DIAPH2: variants seen among roughly 807,000 people sequenced by gnomAD.
DIAPH2 encodes diaphanous related formin 2.
A neutral mutation model predicts 92.7 loss-of-function variants in DIAPH2; 35 were observed. The observed-to-expected ratio is 0.38, with a 90% CI of 0.29 to 0.50. The LOEUF (loss-of-function observed/expected upper bound fraction) is 0.50, where lower values mean the gene tolerates loss of function less well. DIAPH2 is among the 20% of genes least tolerant of loss of function. The probability of loss-of-function intolerance (pLI) is 0.94; values close to 1 mark genes in which losing one functional copy is unlikely to be tolerated. For missense variants in DIAPH2, 701 were observed against 819.5 expected (o/e 0.86, Z 1.77); for synonymous variants, 301 against 280.4 (o/e 1.07, Z -0.73).
At chrX:97,329,520 A>T (rs995510810) in intron 23 of DIAPH2, among the ~76,000 whole-genome samples, 1 of 111,574 alleles carries the variant, frequency 9.0e-6, no homozygotes, top group Admixed American at 9.6e-5. Context: ...AACTTCACTA[A>T]ACTGGACACT....
chrX:97,426,513 C>T, intron 25 of DIAPH2, among the ~76,000 whole-genome samples: 1 of 110,267 alleles, frequency 9.1e-6, no homozygotes, highest in Non-Finnish European at 1.9e-5. Flanking sequence ...TGGTCTTGAA[C>T]TCCTGAGCTC....
intron 22 of DIAPH2, among the ~76,000 whole-genome samples, chrX:97,168,566 G>GA (rs1158815447): frequency 9.0e-6 from 1 of 110,791 alleles, no homozygotes; most frequent in African/African-American, 3.3e-5. Context: ...ATATGGCAGT[G>GA]AAAAAAATAC....
chrX:96,977,035 A>G (rs1197217850), intron 17 of DIAPH2, among the ~76,000 whole-genome samples: 1 of 111,357 alleles, frequency 9.0e-6, no homozygotes, highest in Non-Finnish European at 1.9e-5. Flanking sequence ...GTTTGTTCTT[A>G]ATCTTAATCA....
chrX:97,376,431 G>C (rs1478189043), intron 24 of DIAPH2, among the ~76,000 whole-genome samples: 2 of 111,652 alleles, frequency 1.8e-5, no homozygotes, highest in Non-Finnish European at 3.8e-5. Flanking sequence ...TTTACCTGAT[G>C]TTGCAAGATT....
At chrX:96,919,317 A>G (rs1166903504) in intron 9 of DIAPH2, among the ~76,000 whole-genome samples, 1 of 112,210 alleles carries the variant, frequency 8.9e-6, no homozygotes, top group East Asian at 2.8e-4. Flanking sequence ...TTGCTATAGT[A>G]TCTTTGTTTT....
At chrX:97,480,567 G>A (rs902720658) in intron 26 of DIAPH2, among the ~76,000 whole-genome samples, 3 of 111,365 alleles carry the variant, frequency 2.7e-5, no homozygotes, top group Middle Eastern at 4.7e-3. Context: ...TGCAACTACC[G>A]TAGGACATCT....
At chrX:96,821,137 T>G (rs1224325958) in intron 4 of DIAPH2, among the ~76,000 whole-genome samples, 1 of 111,818 alleles carries the variant, frequency 8.9e-6, no homozygotes, top group Non-Finnish European at 1.9e-5. Flanking sequence ...AGCTGTTTAC[T>G]TATGTTAACT....
In DIAPH2 at chrX:96,948,887, G is replaced by A. The variant is rs377559551; in HGVS notation, c.1510-48G>A. ...TTTAATACATAATGTTCTTTAAAGC[G>A]TTCTGAAAACTATATTATTAACTGT... On this transcript the variant is annotated intron_variant, in intron 14 of 26. Coordinates refer to ENST00000324765, the MANE Select transcript of DIAPH2 (RefSeq NM_006729.5). 1.4e-4 allele frequency: 122 copies of A among 850,656 alleles called. No individual in the cohort carries two copies. The South Asian group carries it at 2.3e-3, about 16-fold the overall frequency. The allele number at this position is 850,656 out of a possible 1,213,427, so 70.1% of individuals were successfully genotyped here.
intron 1 of DIAPH2, among the ~76,000 whole-genome samples, chrX:96,723,694 A>G (rs999318310): frequency 3.2e-4 from 36 of 111,991 alleles, no homozygotes; most frequent in African/African-American, 4.5e-4. Context: ...ATGTTTCATC[A>G]GGGCTACGAA....
chrX:97,559,941 G>A (rs191345960), intron 26 of DIAPH2, among the ~76,000 whole-genome samples: 133 of 111,665 alleles, frequency 1.2e-3, no homozygotes, highest in Middle Eastern at 4.6e-3. Context: ...TGGGGTTAGA[G>A]GAGCTATGTC....
intron 4 of DIAPH2, among the ~76,000 whole-genome samples, chrX:96,858,309 A>C (rs776423188): frequency 1.8e-5 from 2 of 112,098 alleles, no homozygotes; most frequent in Admixed American, 9.5e-5. Context: ...ACAATAAAGT[A>C]AATTGACAAC....
intron 4 of DIAPH2, among the ~76,000 whole-genome samples, chrX:96,813,085 G>T (rs945084350): frequency 4.5e-4 from 50 of 111,179 alleles, no homozygotes; most frequent in Non-Finnish European, 6.8e-4. Flanking sequence ...TTGTTAACCT[G>T]CTGTCTCATT....
intron 1 of DIAPH2, among the ~76,000 whole-genome samples, chrX:96,689,859 G>A (rs931172409): frequency 3.6e-5 from 4 of 111,169 alleles, no homozygotes; most frequent in East Asian, 2.8e-4. Context: ...CTGGCAGGCC[G>A]GTGCTTGGGT....
At chrX:97,269,952 T>C (rs1387235320) in intron 23 of DIAPH2, among the ~76,000 whole-genome samples, 11 of 109,114 alleles carry the variant, frequency 1.0e-4, no homozygotes, top group African/African-American at 3.7e-4. Flanking sequence ...TTTTTTGAAA[T>C]GGAGTTCCTC....
chrX:96,870,030 AAG>A (rs2065129566), intron 4 of DIAPH2, among the ~76,000 whole-genome samples: 1 of 110,559 alleles, frequency 9.0e-6, no homozygotes, highest in Non-Finnish European at 1.9e-5. Context: ...GCCCCTTTTT[AAG>A]ATGGTTTTGT....
chrX:97,162,172 T>C (rs985458262), intron 22 of DIAPH2, among the ~76,000 whole-genome samples: 1 of 111,309 alleles, frequency 9.0e-6, no homozygotes, highest in Non-Finnish European at 1.9e-5. Context: ...ATTCTCTCTT[T>C]ACCTGTATCT....
chrX:96,848,526 G>A (rs1049359958), intron 4 of DIAPH2, among the ~76,000 whole-genome samples: 1 of 112,006 alleles, frequency 8.9e-6, no homozygotes, highest in East Asian at 2.8e-4. Context: ...TATTTGACCT[G>A]GAACTATAGT....
intron 23 of DIAPH2, among the ~76,000 whole-genome samples, chrX:97,324,270 C>T (rs1002740133): frequency 3.6e-4 from 40 of 111,483 alleles, no homozygotes; most frequent in African/African-American, 1.3e-3. Flanking sequence ...AAATAAATAC[C>T]TCTTGTAGCT....
chrX:97,588,645 G>A (rs1040154617), intron 26 of DIAPH2, among the ~76,000 whole-genome samples: 6 of 110,325 alleles, frequency 5.4e-5, no homozygotes, highest in Non-Finnish European at 7.6e-5. Flanking sequence ...TCTAAGATAC[G>A]TGAAATACCT....
Sources: allele counts gnomAD v4.1 joint callset (sites outside exome capture counted in the v4.1 genomes callset), GRCh38; gene constraint gnomAD v4.1.1; transcripts MANE v1.5; gene names NCBI Gene and HGNC (gene_info 2026-07-23, HGNC 2026-07-21).